Variants in SMC5 observed in about 807,000 individuals in gnomAD.
The protein encoded by SMC5 is structural maintenance of chromosomes protein 5.
A neutral mutation model predicts 148.3 loss-of-function variants in SMC5; 88 were observed. The ratio of observed to expected loss-of-function variants is 0.59; its 90% CI spans 0.50 to 0.71. The LOEUF is 0.71. SMC5 is among the 30% of genes least tolerant of loss of function. The pLI is 0.00. For missense variants in SMC5, 1,142 were observed against 1,298.9 expected, an observed-to-expected ratio of 0.88 and a Z score of 1.86; for synonymous variants, 421 against 432.8, an observed-to-expected ratio of 0.97 and a Z score of 0.34.
In SMC5 at chr9:70,267,860, A is replaced by C. The variant is rs1587617158; in HGVS notation, c.328-63A>C. The C allele has an allele frequency of 2.8e-6, 4 of 1,416,424 alleles. No individual in the cohort carries two copies. In the East Asian group the frequency reaches 9.2e-5, roughly 33 times the overall value. The allele number at this position is 1,416,424 out of a possible 1,614,324, so 87.7% of individuals were successfully genotyped here. The stretch of plus-strand genomic sequence containing the variant: ...ATTTGACAAATAATAATGACTGCTA[A>C]ATCTCTGATTGTTAACCTGGGAATG... On this transcript the variant is annotated intron_variant, in intron 2 of 24. Transcript: ENST00000361138.
At chr9:70,322,848 A>C (rs2035983431) in intron 15 of SMC5, among the ~76,000 whole-genome samples, 1 of 152,178 alleles carries the variant, frequency 6.6e-6, no homozygotes, top group African/African-American at 2.4e-5. Flanking sequence ...ACAAACAAAA[A>C]AAAATTATGG....
At position 70,347,998 on chromosome 9, in the gene SMC5, T is replaced by G. The variant is rs1264955913; in HGVS notation, c.2849T>G (p.Met950Arg). Residue 950 changes from methionine (M) to arginine (R), a missense_variant, in exon 22 of 25, where the codon ATG becomes AGG. Around this residue, in one of 5 missense-constraint regions of SMC5, gnomAD observed 743 missense variants for 835.7 expected, o/e 0.89. Coordinates refer to ENST00000361138, the MANE Select transcript of SMC5 (RefSeq NM_015110.4). ...AAATTCAGCAATTTTTTTAGTTCCA[T>G]GCAGTGTGCTGGTGAAGTTGATCTC... ...NEKFSNFFSS[M>R]QCAGEVDLHT... 6.2e-7 allele frequency: 1 copy of G among 1,606,220 alleles called. No individual in the cohort carries two copies. The highest frequency in any genetic ancestry group is 8.5e-7 in the Non-Finnish European group (1 of 1,177,644).
rs577852993 is a variant in SMC5, at chr9:70,333,370, C to T, written c.2397+9227C>T. Among the ~76,000 whole-genome samples, 5 of 151,064 alleles carry T rather than the reference C, an allele frequency of 3.3e-5. No homozygotes were observed. The East Asian group carries it at 5.9e-4, about 18-fold the overall frequency. On this transcript the variant is annotated intron_variant, in intron 17 of 24. Coordinates refer to ENST00000361138, the MANE Select transcript of SMC5 (RefSeq NM_015110.4). ...CTATAATCCTAGCACTTTGGGAGGC[C>T]GAGGCTGGAGGATGGCTTGAGCTCG...
At position 70,264,382 on chromosome 9, in the gene SMC5, C is replaced by G; in HGVS notation, c.264C>G (p.Ser88Arg). 1 of 1,614,004 alleles carries G rather than the reference C, an allele frequency of 6.2e-7. No homozygotes were observed. Among genetic ancestry groups the G allele is most frequent in the Non-Finnish European group, 8.5e-7 (1 of 1,179,934 alleles). The change falls in exon 2 of 25, where the codon AGC becomes AGG. Residue 88 changes from serine (S) to arginine (R), a missense_variant. Around this residue, in one of 5 missense-constraint regions of SMC5, gnomAD observed 297 missense variants for 302.6 expected, o/e 0.98. Transcript: ENST00000361138. ...IVGANGTGKS[S>R]IVCAICLGLA... ...GAGCCAATGGAACAGGGAAGTCGAG[C>G]ATTGTGTGTGCCATTTGCCTTGGTT...
At chr9:70,333,548 T>C (rs1260786459) in intron 17 of SMC5, among the ~76,000 whole-genome samples, 1 of 151,792 alleles carries the variant, frequency 6.6e-6, no homozygotes, top group Non-Finnish European at 1.5e-5. Flanking sequence ...CTGGCCAACA[T>C]GGCAAAACCC....
At chr9:70,294,460 A>G (rs1446668592) in intron 8 of SMC5, among the ~76,000 whole-genome samples, 1 of 152,180 alleles carries the variant, frequency 6.6e-6, no homozygotes, top group African/African-American at 2.4e-5. Flanking sequence ...ACATAAGAAG[A>G]AAGGTCAAGG....
At position 70,277,344 on chromosome 9, in the gene SMC5, G is replaced by C. The variant is rs758566983; in HGVS notation, c.415G>C (p.Glu139Gln). Residue 139 changes from glutamate (E) to glutamine (Q), a missense_variant, in exon 4 of 25, where the codon GAG becomes CAG. Transcript: ENST00000361138. ...TTCTGGAAATCTTGTAATCACCCGT[G>C]AGATTGATGTGGCAAAAAATCAGTC... ...RASGNLVITR[E>Q]IDVAKNQSFW... The C allele has an allele frequency of 2.5e-6, 4 of 1,599,104 alleles. No homozygotes were observed. The highest frequency in any genetic ancestry group is 3.4e-6 in the Non-Finnish European group (4 of 1,173,076).
intron 17 of SMC5, among the ~76,000 whole-genome samples, chr9:70,329,936 CCA>C (rs1348930390): frequency 3.3e-5 from 5 of 152,066 alleles, no homozygotes; most frequent in Non-Finnish European, 7.4e-5. Context: ...GCACGTCTTA[CCA>C]TGGCGGTGAG....
intron 8 of SMC5, among the ~76,000 whole-genome samples, chr9:70,286,966 C>T (rs1376895365): frequency 1.3e-5 from 2 of 152,160 alleles, no homozygotes; most frequent in African/African-American, 4.8e-5. Context: ...ATCCACCTGC[C>T]TTGGCTTCCC....
intron 8 of SMC5, among the ~76,000 whole-genome samples, chr9:70,289,875 A>C (rs1028405084): frequency 6.7e-6 from 1 of 149,500 alleles, no homozygotes; most frequent in African/African-American, 2.5e-5. Context: ...GTTATTTAAA[A>C]TATTATTATT....
rs112406251 is a variant in SMC5, at chr9:70,264,140, A to G, written c.186-164A>G. On this transcript the variant is annotated intron_variant, in intron 1 of 24. Coordinates refer to ENST00000361138, the MANE Select transcript of SMC5 (RefSeq NM_015110.4). The stretch of plus-strand genomic sequence containing the variant: ...GCATTACTGCCTTTTCATTTCTTCT[A>G]TTGGTATTCTTTCTAAAGTTGTTTA... Among the ~76,000 whole-genome samples the G allele has an allele frequency of 2.7e-3, 411 of 152,302 alleles. 2 individuals carry two copies. The highest frequency in any genetic ancestry group is 9.5e-3 in the African/African-American group (396 of 41,562).
At chr9:70,268,516 G>A (rs1199796890) in intron 3 of SMC5, among the ~76,000 whole-genome samples, 2 of 150,228 alleles carry the variant, frequency 1.3e-5, no homozygotes, top group African/African-American at 4.9e-5. Flanking sequence ...GAAATGATAA[G>A]TTTATAGCAG....
chr9:70,323,906 A>G (rs541128534), intron 16 of SMC5, 115 bp from the exon 17 acceptor site: 1 of 1,019,798 alleles, frequency 9.8e-7, no homozygotes, highest in Admixed American at 3.2e-5. Flanking sequence ...GATGTCAGGC[A>G]CAATAGGAAA....
rs887269714 is a variant in SMC5, at chr9:70,304,245, A to G, written c.1465-1002A>G. Among the ~76,000 whole-genome samples, 19 of 151,826 alleles carry G rather than the reference A, an allele frequency of 1.3e-4. 1 individual carries two copies. The highest frequency in any genetic ancestry group is 4.6e-4 in the African/African-American group (19 of 41,416). ...AGCCATCACACCTGGCTAATTTTTT[A>G]TTATTATTATTATTGTAGAGACAGG... On this transcript the variant is annotated intron_variant, in intron 10 of 24. Coordinates refer to ENST00000361138, the MANE Select transcript of SMC5 (RefSeq NM_015110.4).
intron 8 of SMC5, among the ~76,000 whole-genome samples, chr9:70,293,358 A>G (rs950912222): frequency 1.6e-5 from 2 of 126,418 alleles, no homozygotes; most frequent in Non-Finnish European, 3.3e-5. Context: ...CTCTTTTTTT[A>G]GTTAATCTTG....
chr9:70,260,788 G>A (rs1201606743), intron 1 of SMC5, among the ~76,000 whole-genome samples: 4 of 152,162 alleles, frequency 2.6e-5, no homozygotes, highest in Non-Finnish European at 5.9e-5. Context: ...TGTTGCCCAC[G>A]CTGGAGCTCA....
At chr9:70,338,444 G>A (rs115750395) in intron 17 of SMC5, among the ~76,000 whole-genome samples, 2,518 of 151,828 alleles carry the variant, frequency 0.017, 43 homozygotes, top group South Asian at 0.07. Context: ...TAACTATCAC[G>A]GCTACCACTC....
Position 70,277,388 on chromosome 9 carries a change from A to G in SMC5, c.459A>G (p.Lys153=). 1 of 1,605,930 alleles carries G rather than the reference A, an allele frequency of 6.2e-7. No individual in the cohort carries two copies. The highest frequency in any genetic ancestry group is 2.3e-5 in the East Asian group (1 of 44,072). ...AKNQSFWFIN[K]KSTTQKIVEE... ...ATCAGTCCTTTTGGTTCATCAACAAAAAATCTACAACCCAGAAAATAGTGG... is the reference window on the plus strand; with the variant it reads ...ATCAGTCCTTTTGGTTCATCAACAAGAAATCTACAACCCAGAAAATAGTGG... The change falls in exon 4 of 25, where the codon AAA becomes AAG. Residue 153 remains lysine (K), a synonymous_variant. Coordinates refer to ENST00000361138, the MANE Select transcript of SMC5 (RefSeq NM_015110.4).
rs2036835144 is a variant in SMC5, at chr9:70,352,885, G to T, written c.*554G>T. 1 of 151,876 alleles carries T rather than the reference G, an allele frequency of 6.6e-6. No individual in the cohort carries two copies. Among genetic ancestry groups the T allele is most frequent in the Non-Finnish European group, 1.5e-5 (1 of 67,984 alleles). The allele number at this position is 151,876 out of a possible 1,614,324, so 9.4% of individuals were successfully genotyped here. ...AATGGAATTTTATGGGCCTTTAAAA[G>T]AAAGTTTTATGAAACTTGATGCTAT... On this transcript the variant is annotated 3_prime_UTR_variant, in exon 25 of 25. Transcript: ENST00000361138.
Sources: allele counts gnomAD v4.1 joint callset (sites outside exome capture counted in the v4.1 genomes callset), GRCh38; gene constraint gnomAD v4.1.1; regional missense constraint gnomAD v4.1.1; transcripts MANE v1.5; gene names NCBI Gene and HGNC (gene_info 2026-07-23, HGNC 2026-07-21).